Variants in NRF1 observed in about 807,000 individuals in gnomAD.
The protein encoded by NRF1 is alpha palindromic-binding protein.
Under a neutral mutation model 58.5 loss-of-function variants are expected in NRF1, and 5 were observed. That is an observed-to-expected ratio of 0.09 (90% confidence interval 0.04 to 0.18). The LOEUF is 0.18. NRF1 is among the 10% of genes least tolerant of loss of function. The pLI is 1.00. For missense variants in NRF1, 288 were observed against 657.7 expected (o/e 0.44, Z 6.15); for synonymous variants, 224 against 246.7 (o/e 0.91, Z 0.86).
chr7:129,705,673 T>C (rs1330700353), intron 5 of NRF1, among the ~76,000 whole-genome samples: 1 of 152,026 alleles, frequency 6.6e-6, no homozygotes, highest in East Asian at 1.9e-4. Flanking sequence ...CCCAGCACTT[T>C]GGGTGGTTGA....
At chr7:129,663,702 G>A (rs571204503) in intron 2 of NRF1, among the ~76,000 whole-genome samples, 44 of 152,248 alleles carry the variant, frequency 2.9e-4, no homozygotes, top group South Asian at 2.5e-3. Context: ...AGGCAGAGAC[G>A]CTGCTCACTT....
chr7:129,620,675 C>T (rs1007470053), intron 1 of NRF1, among the ~76,000 whole-genome samples: 2 of 152,138 alleles, frequency 1.3e-5, no homozygotes, highest in Non-Finnish European at 2.9e-5. Flanking sequence ...CATGAGCCAC[C>T]GCACTGGGCC....
chr7:129,637,749 G>A (rs1017158667), intron 1 of NRF1, among the ~76,000 whole-genome samples: 3 of 152,048 alleles, frequency 2.0e-5, no homozygotes, highest in East Asian at 1.9e-4. Flanking sequence ...CATCCTTTAA[G>A]ACAAGCTTAT....
chr7:129,689,049 T>C (rs759395683), intron 4 of NRF1, among the ~76,000 whole-genome samples: 2 of 152,112 alleles, frequency 1.3e-5, no homozygotes, highest in Non-Finnish European at 2.9e-5. Context: ...TTGCAATAAA[T>C]ATAATGGCAA....
At chr7:129,662,805 G>A (rs1037852557) in intron 2 of NRF1, among the ~76,000 whole-genome samples, 1 of 152,026 alleles carries the variant, frequency 6.6e-6, no homozygotes, top group Admixed American at 6.6e-5. Context: ...TTCTCAGAGA[G>A]GGGGATGTGG....
chr7:129,733,827 C>G (rs181507901), intron 10 of NRF1, among the ~76,000 whole-genome samples: 34 of 151,980 alleles, frequency 2.2e-4, no homozygotes, highest in Non-Finnish European at 4.1e-4. Flanking sequence ...AGTTCAAGAC[C>G]AGCCTGGGCA....
At chr7:129,629,610 G>GCAA (rs1801003595) in intron 1 of NRF1, among the ~76,000 whole-genome samples, 4 of 152,190 alleles carry the variant, frequency 2.6e-5, no homozygotes, top group African/African-American at 9.6e-5. Flanking sequence ...ATTTCTGAAT[G>GCAA]CAGCAGAAAG....
At chr7:129,645,029 CATT>C (rs1801373103) in intron 1 of NRF1, among the ~76,000 whole-genome samples, 1 of 147,848 alleles carries the variant, frequency 6.8e-6, no homozygotes, top group Non-Finnish European at 1.5e-5. Flanking sequence ...GATCTGTAAA[CATT>C]ATTTCACCCA....
rs576546755 is a variant in NRF1, at chr7:129,660,718, C to T, written c.223+3144C>T. On this transcript the variant is annotated intron_variant, in intron 2 of 10. Coordinates refer to ENST00000393232, the MANE Select transcript of NRF1 (RefSeq NM_005011.5). Reference sequence around the variant, plus strand: ...GCTTTGCAGGGTACAGCCTCCCTCCCAGCTGCTTTCATGGGCTGTTGTTGA... The same window carrying T: ...GCTTTGCAGGGTACAGCCTCCCTCCTAGCTGCTTTCATGGGCTGTTGTTGA... Among the ~76,000 whole-genome samples, 54 of 150,874 alleles carry T rather than the reference C, an allele frequency of 3.6e-4. 4 individuals are homozygous for T. The highest frequency in any genetic ancestry group is 1.1e-3 in the African/African-American group (46 of 40,212).
chr7:129,666,993 T>G (rs944119522), intron 2 of NRF1, among the ~76,000 whole-genome samples: 4 of 152,168 alleles, frequency 2.6e-5, no homozygotes, highest in African/African-American at 9.7e-5. Flanking sequence ...CTACTGCAAA[T>G]TGTATACTCT....
At chr7:129,732,698 G>C (rs1460370385) in intron 10 of NRF1, among the ~76,000 whole-genome samples, 1 of 152,006 alleles carries the variant, frequency 6.6e-6, no homozygotes, top group Non-Finnish European at 1.5e-5. Flanking sequence ...TGCCTCCTAG[G>C]TTCAAGTGAT....
At chr7:129,737,083 C>G (rs988133555) in intron 10 of NRF1, among the ~76,000 whole-genome samples, 6 of 152,236 alleles carry the variant, frequency 3.9e-5, no homozygotes, top group Non-Finnish European at 7.3e-5. Flanking sequence ...CTGTCAGCAT[C>G]AATTTCTTCT....
intron 8 of NRF1, among the ~76,000 whole-genome samples, chr7:129,715,993 A>G (rs1316296549): frequency 2.0e-5 from 3 of 151,750 alleles, no homozygotes; most frequent in Non-Finnish European, 2.9e-5. Context: ...CAACAAGAGC[A>G]AAACTCCGTC....
chr7:129,684,916 C>T (rs1026505550), intron 4 of NRF1, among the ~76,000 whole-genome samples: 4 of 152,166 alleles, frequency 2.6e-5, no homozygotes, highest in African/African-American at 9.7e-5. Context: ...GAGCCCTGAA[C>T]TGAGGCAGGA....
chr7:129,686,225 G>A (rs1283332710), intron 4 of NRF1, among the ~76,000 whole-genome samples: 3 of 152,132 alleles, frequency 2.0e-5, no homozygotes, highest in Non-Finnish European at 4.4e-5. Flanking sequence ...CTCAGTATAG[G>A]ACTCCATGGA....
intron 10 of NRF1, among the ~76,000 whole-genome samples, chr7:129,732,888 T>C (rs974832592): frequency 1.3e-5 from 2 of 151,866 alleles, no homozygotes; most frequent in Non-Finnish European, 2.9e-5. Context: ...CTGGGCAACA[T>C]GGTCAAACCC....
At chr7:129,642,006 C>G (rs1801301737) in intron 1 of NRF1, among the ~76,000 whole-genome samples, 3 of 145,130 alleles carry the variant, frequency 2.1e-5, no homozygotes, top group Non-Finnish European at 4.5e-5. Context: ...TGAGACAGAG[C>G]CTCATTCTGT....
intron 5 of NRF1, among the ~76,000 whole-genome samples, chr7:129,695,525 G>A (rs1584648549): frequency 6.7e-6 from 1 of 149,708 alleles, no homozygotes; most frequent in Non-Finnish European, 1.5e-5. Flanking sequence ...ACATTGAGCC[G>A]AGATCATGCC....
intron 5 of NRF1, among the ~76,000 whole-genome samples, chr7:129,702,872 TG>T (rs745613849): frequency 1.4e-4 from 22 of 152,150 alleles, no homozygotes; most frequent in Non-Finnish European, 2.6e-4. Flanking sequence ...TGAGCCTAAA[TG>T]GACATCAGGA....
Sources: allele counts gnomAD v4.1 joint callset (sites outside exome capture counted in the v4.1 genomes callset), GRCh38; gene constraint gnomAD v4.1.1; transcripts MANE v1.5; gene names NCBI Gene and HGNC (gene_info 2026-07-23, HGNC 2026-07-21).